Variants in WDR25 observed in about 807,000 individuals in gnomAD.
WDR25 encodes the protein WD repeat-containing protein 25.
A neutral mutation model predicts 47.7 loss-of-function variants in WDR25; 35 were observed. The ratio of observed to expected loss-of-function variants is 0.73; its 90% CI spans 0.56 to 0.97. The LOEUF (loss-of-function observed/expected upper bound fraction) is 0.97, where lower values mean the gene tolerates loss of function less well. Ranked by LOEUF, WDR25 falls within the 50% of genes least tolerant of loss-of-function variation. The pLI is 0.00. For synonymous variants in WDR25, 248 were observed against 278.9 expected (o/e 0.89, Z 1.10); for missense variants, 634 against 704.7 (o/e 0.90, Z 1.14).
chr14:100,527,434 T>C (rs1311813009), intron 5 of WDR25, among the ~76,000 whole-genome samples: 4 of 152,332 alleles, frequency 2.6e-5, no homozygotes, highest in Non-Finnish European at 4.4e-5. Context: ...CTGTATGTCA[T>C]GTGTATATGA....
At position 100,449,483 on chromosome 14, in the gene WDR25, G is replaced by A. The variant is rs1898953031; in HGVS notation, c.823-18538G>A. ...CCCTGCCCTGGCTGGCTGTTGCATT[G>A]GGGTGGGAGAGGCTGTCTCAGCTGG... On this transcript the variant is annotated intron_variant, in intron 2 of 6. Transcript: ENST00000402312. This position sits in a 1 kb window ranked among gnomAD's most constrained non-coding sequence, Gnocchi z 4.2. Among the ~76,000 whole-genome samples, 3 of 152,216 alleles carry A rather than the reference G, an allele frequency of 2.0e-5. No homozygotes were observed. The South Asian group carries it at 6.2e-4, about 32-fold the overall frequency.
At chr14:100,400,210 G>A (rs907703471) in intron 2 of WDR25, among the ~76,000 whole-genome samples, 2 of 152,250 alleles carry the variant, frequency 1.3e-5, no homozygotes, top group Admixed American at 1.3e-4. Context: ...TGTGTGTCCT[G>A]TACCGCAGTG....
intron 2 of WDR25, among the ~76,000 whole-genome samples, chr14:100,441,002 G>A (rs191288169): frequency 2.6e-5 from 4 of 152,098 alleles, no homozygotes; most frequent in Admixed American, 2.6e-4. Context: ...TTTGAGAAAG[G>A]GATTCTCTGT....
intron 2 of WDR25, among the ~76,000 whole-genome samples, chr14:100,423,271 C>G (rs1385104592): frequency 8.5e-5 from 13 of 152,098 alleles, no homozygotes; most frequent in Admixed American, 7.9e-4. Flanking sequence ...CTGATCTCCC[C>G]TGTTATAATA....
At chr14:100,382,242 G>T in intron 2 of WDR25, 1 of 699,334 alleles carries the variant, frequency 1.4e-6, no homozygotes, top group South Asian at 1.5e-5. Flanking sequence ...CTGTGAGGAC[G>T]GCCCCCAGTA....
At chr14:100,528,435 CTTTTT>C (rs66881970) in intron 5 of WDR25, among the ~76,000 whole-genome samples, 1 of 131,022 alleles carries the variant, frequency 7.6e-6, no homozygotes, top group Non-Finnish European at 1.6e-5. Flanking sequence ...TTCTTTCTTT[CTTTTT>C]TTTTTTTTTT....
chr14:100,485,093 A>G (rs1341363490), intron 4 of WDR25, among the ~76,000 whole-genome samples: 1 of 152,080 alleles, frequency 6.6e-6, no homozygotes, highest in African/African-American at 2.4e-5. Context: ...TTCCCTGAAC[A>G]TACCAGCACA....
chr14:100,455,861 C>G (rs1899187278), intron 2 of WDR25, among the ~76,000 whole-genome samples: 1 of 152,100 alleles, frequency 6.6e-6, no homozygotes, highest in Non-Finnish European at 1.5e-5. Flanking sequence ...AGTGGCTCAC[C>G]CACAAAACAA....
intron 2 of WDR25, among the ~76,000 whole-genome samples, chr14:100,420,204 G>T (rs112389452): frequency 6.6e-6 from 1 of 152,222 alleles, no homozygotes; most frequent in Non-Finnish European, 1.5e-5. Flanking sequence ...TCTGCACATG[G>T]GCCGCAGGCC....
rs1187887090 is a variant in WDR25, at chr14:100,381,700, C to G, written c.776C>G (p.Ser259Cys). 1.2e-6 allele frequency: 2 copies of G among 1,612,226 alleles called. No homozygotes were observed. Among genetic ancestry groups the G allele is most frequent in the South Asian group, 1.1e-5 (1 of 90,968 alleles). Residue 259 changes from serine (S) to cysteine (C), a missense_variant, in exon 2 of 7, where the codon TCT (serine) becomes TGT (cysteine). Coordinates refer to ENST00000402312, the MANE Select transcript of WDR25 (RefSeq NM_001161476.3). ...ACCATTCAGTGGTGTCCAGTCCTTT[C>G]TAAGAGCCACATGCTTCTCTCCACT... is the stretch of plus-strand genomic sequence containing the variant. Reference protein sequence around the residue: ...VNTIQWCPVLSKSHMLLSTSM... With the variant: ...VNTIQWCPVLCKSHMLLSTSM...
At chr14:100,486,001 TG>T (rs1900369534) in intron 4 of WDR25, among the ~76,000 whole-genome samples, 1 of 151,394 alleles carries the variant, frequency 6.6e-6, no homozygotes, top group Admixed American at 6.6e-5. Flanking sequence ...TAAAAATATT[TG>T]GAAAAGGGAG....
In WDR25 at chr14:100,428,486, CAG is replaced by C. The variant is rs1189886211; in HGVS notation, c.823-39534_823-39533del. 6.6e-6 allele frequency among the ~76,000 whole-genome samples: 1 copy of C among 152,198 alleles called. No individual in the cohort carries two copies. Among genetic ancestry groups the C allele is most frequent in the Non-Finnish European group, 1.5e-5 (1 of 68,034 alleles). On this transcript the variant is annotated intron_variant, in intron 2 of 6. Coordinates refer to ENST00000402312, the MANE Select transcript of WDR25 (RefSeq NM_001161476.3). This position sits in a 1 kb window ranked among gnomAD's most constrained non-coding sequence, Gnocchi z 4.3. The stretch of plus-strand genomic sequence containing the variant: ...AGCGTCCTCCTCTGTGGATGGGGGA[CAG>C]TGCCTGAGCGCCGGGGGCTGCACAT...
intron 4 of WDR25, among the ~76,000 whole-genome samples, chr14:100,508,548 A>T (rs918964368): frequency 2.0e-5 from 3 of 152,228 alleles, no homozygotes; most frequent in Admixed American, 6.5e-5. Context: ...TTACATGATC[A>T]TGTAGTCTGT....
chr14:100,497,812 TG>T (rs1449866419), intron 4 of WDR25, among the ~76,000 whole-genome samples: 4 of 152,144 alleles, frequency 2.6e-5, no homozygotes, highest in Non-Finnish European at 5.9e-5. Flanking sequence ...CCGACTGGAT[TG>T]TGTGTCCCCC....
chr14:100,376,571 A>T, intron 1 of WDR25, 76 bp downstream of exon 1: 1 of 1,231,830 alleles, frequency 8.1e-7, no homozygotes, highest in Non-Finnish European at 1.0e-6. Flanking sequence ...CGTGCCGCTT[A>T]ACGCGGTCTC....
At chr14:100,457,810 T>TG (rs1355471842) in intron 2 of WDR25, among the ~76,000 whole-genome samples, 1 of 152,232 alleles carries the variant, frequency 6.6e-6, no homozygotes, top group Non-Finnish European at 1.5e-5. Flanking sequence ...GAGGAGATTG[T>TG]GTATATTATT....
chr14:100,459,935 T>TAC (rs1899342495), intron 2 of WDR25, among the ~76,000 whole-genome samples: 2 of 90,668 alleles, frequency 2.2e-5, no homozygotes, highest in East Asian at 3.1e-4. Flanking sequence ...TATATATATA[T>TAC]ATATACACAT....
chr14:100,478,451 G>A, intron 3 of WDR25, among the ~76,000 whole-genome samples: 1 of 152,188 alleles, frequency 6.6e-6, no homozygotes, highest in Middle Eastern at 3.2e-3. Context: ...TGATGGCTAT[G>A]GCCCTAATTT....
At chr14:100,412,198 C>G (rs1273977382) in intron 2 of WDR25, among the ~76,000 whole-genome samples, 19 of 145,324 alleles carry the variant, frequency 1.3e-4, no homozygotes, top group Non-Finnish European at 2.7e-4. Flanking sequence ...CAGAGTGAGA[C>G]CCTGTCTCAA....
Sources: allele counts gnomAD v4.1 joint callset (sites outside exome capture counted in the v4.1 genomes callset), GRCh38; gene constraint gnomAD v4.1.1; non-coding constraint Gnocchi (gnomAD v3.1); transcripts MANE v1.5; gene names NCBI Gene and HGNC (gene_info 2026-07-23, HGNC 2026-07-21).